The following BCKDHB variants were observed in gnomAD, a reference collection of about 807,000 sequenced individuals.
The protein encoded by BCKDHB is branched chain keto acid dehydrogenase E1 subunit beta.
BCKDHB carries 41 observed loss-of-function variants against 48.5 expected under a neutral mutation model. That is an observed-to-expected ratio of 0.85 (90% confidence interval 0.66 to 1.10). The LOEUF (loss-of-function observed/expected upper bound fraction) is 1.10, where lower values mean the gene tolerates loss of function less well. Ranked by LOEUF, BCKDHB falls within the 50% of genes least tolerant of loss-of-function variation. The pLI, the probability that BCKDHB is intolerant of heterozygous loss-of-function variation, is 0.00. For missense variants in BCKDHB, 496 were observed against 494.2 expected (o/e 1.00, Z -0.03); for synonymous variants, 201 against 174.8 (o/e 1.15, Z -1.18).
chr6:80,374,152 T>A, the BCKDHB span: 2 of 714,642 alleles, frequency 2.8e-6, no homozygotes, highest in Non-Finnish European at 5.2e-6. Flanking sequence ...GGAGAGCTCA[T>A]GTATGGGTTA....
intron 3 of BCKDHB, among the ~76,000 whole-genome samples, chr6:80,146,349 C>T (rs765448004): frequency 7.9e-5 from 12 of 152,210 alleles, no homozygotes; most frequent in Middle Eastern, 3.4e-3. Context: ...CTGGTAACTT[C>T]GTTTCTTTTA....
At chr6:80,393,916 T>C in the BCKDHB span, among the ~76,000 whole-genome samples, 1 of 152,246 alleles carries the variant, frequency 6.6e-6, no homozygotes, top group African/African-American at 2.4e-5. Context: ...TTTTGAAAAC[T>C]TGAGTTTCTA....
At chr6:80,237,604 T>G (rs1348892991) in intron 8 of BCKDHB, among the ~76,000 whole-genome samples, 1 of 152,204 alleles carries the variant, frequency 6.6e-6, no homozygotes, top group Non-Finnish European at 1.5e-5. Flanking sequence ...ACAGTAAACT[T>G]CTGGAGTGAG....
At chr6:80,285,594 A>C (rs891938282) in intron 9 of BCKDHB, among the ~76,000 whole-genome samples, 44 of 152,070 alleles carry the variant, frequency 2.9e-4, no homozygotes, top group Non-Finnish European at 4.7e-4. Flanking sequence ...CTGCCTTTAA[A>C]AAACAAACAA....
At chr6:80,162,932 T>C (rs75127848) in intron 3 of BCKDHB, among the ~76,000 whole-genome samples, 2,831 of 146,810 alleles carry the variant, frequency 0.019, 79 homozygotes, top group African/African-American at 0.071. Flanking sequence ...CTCTCTCTCT[T>C]TTTTTTTTAA....
intron 9 of BCKDHB, among the ~76,000 whole-genome samples, chr6:80,336,309 C>T (rs990205961): frequency 6.6e-6 from 1 of 151,762 alleles, no homozygotes; most frequent in Admixed American, 6.6e-5. Context: ...TAATACCATT[C>T]TCCAACTTTG....
chr6:80,354,833 G>A, the BCKDHB span, among the ~76,000 whole-genome samples: 1 of 152,120 alleles, frequency 6.6e-6, no homozygotes, highest in Non-Finnish European at 1.5e-5. Context: ...TCTTATGTCT[G>A]TGTTATCTAT....
chr6:80,244,852 A>T (rs1776542247), intron 8 of BCKDHB, among the ~76,000 whole-genome samples: 1 of 152,230 alleles, frequency 6.6e-6, no homozygotes, highest in Non-Finnish European at 1.5e-5. Context: ...TTGGATTCTC[A>T]TGGAATATTG....
chr6:80,226,873 G>C (rs1319080055), intron 8 of BCKDHB, among the ~76,000 whole-genome samples: 1 of 152,186 alleles, frequency 6.6e-6, no homozygotes, highest in African/African-American at 2.4e-5. Context: ...CTGGTTATGA[G>C]CTCTGAGGCA....
intron 8 of BCKDHB, among the ~76,000 whole-genome samples, chr6:80,219,711 C>T (rs1176811361): frequency 6.6e-6 from 1 of 152,144 alleles, no homozygotes; most frequent in Non-Finnish European, 1.5e-5. Context: ...ATATTGGGTG[C>T]AGGAGGTTTT....
chr6:80,358,082 T>C, the BCKDHB span, among the ~76,000 whole-genome samples: 1 of 152,096 alleles, frequency 6.6e-6, no homozygotes, highest in Admixed American at 6.5e-5. Flanking sequence ...TTGCTTAATT[T>C]TCTTCTCACA....
intron 9 of BCKDHB, among the ~76,000 whole-genome samples, chr6:80,278,600 C>T (rs562333559): frequency 6.6e-6 from 1 of 152,190 alleles, no homozygotes; most frequent in Non-Finnish European, 1.5e-5. Flanking sequence ...CGCTCTGTCG[C>T]CCAGGCTGGA....
At chr6:80,167,579 C>G (rs990494958) in intron 3 of BCKDHB, 99 bp from the exon 4 acceptor site, 117 of 1,250,598 alleles carry the variant, frequency 9.4e-5, no homozygotes, top group Non-Finnish European at 1.3e-4. Context: ...CTGTTCTATA[C>G]TTCTCCATCC....
intron 8 of BCKDHB, among the ~76,000 whole-genome samples, chr6:80,252,378 A>G (rs1348644715): frequency 6.6e-6 from 1 of 152,212 alleles, no homozygotes; most frequent in East Asian, 1.9e-4. Context: ...TTAGCATTTA[A>G]TGAATAAGAC....
the BCKDHB span, among the ~76,000 whole-genome samples, chr6:80,351,824 CT>C: frequency 0.17 from 22,487 of 134,972 alleles, 1,861 homozygotes; most frequent in South Asian, 0.37. Flanking sequence ...TTCTTTCTTT[CT>C]TTTTTTTTTT....
At chr6:80,333,425 G>A (rs911773477) in intron 9 of BCKDHB, among the ~76,000 whole-genome samples, 3 of 152,230 alleles carry the variant, frequency 2.0e-5, no homozygotes, top group South Asian at 4.2e-4. Context: ...CTAAATAGCT[G>A]GGTTTTTTTG....
At chr6:80,394,989 G>A in the BCKDHB span, among the ~76,000 whole-genome samples, 2 of 152,160 alleles carry the variant, frequency 1.3e-5, no homozygotes, top group Admixed American at 1.3e-4. Flanking sequence ...AGGAGGACGT[G>A]TTTGTTTCCA....
Position 80,122,503 on chromosome 6 carries a change from A to C in BCKDHB, c.197-5044A>C, listed in dbSNP as rs577059934. 2.0e-5 allele frequency among the ~76,000 whole-genome samples: 3 copies of C among 152,314 alleles called. No individual in the cohort carries two copies. The South Asian group carries it at 6.2e-4, about 32-fold the overall frequency. ...GTCATCTGGCTGAGAAATAAAGAGA[A>C]AGAGTACAAAGTGAGGAATTTTACA... is the stretch of plus-strand genomic sequence containing the variant. On this transcript the variant is annotated intron_variant, in intron 1 of 9. Transcript: ENST00000320393.
chr6:80,251,893 C>G (rs975733518), intron 8 of BCKDHB: 2 of 152,136 alleles, frequency 1.3e-5, no homozygotes, highest in African/African-American at 2.4e-5. Context: ...GACATTGCTG[C>G]TGCTGTGGGG....
Sources: allele counts gnomAD v4.1 joint callset (sites outside exome capture counted in the v4.1 genomes callset), GRCh38; gene constraint gnomAD v4.1.1; transcripts MANE v1.5; gene names NCBI Gene and HGNC (gene_info 2026-07-23, HGNC 2026-07-21).